Variants in KIAA1217 observed in about 807,000 individuals in gnomAD.
KIAA1217 encodes the protein KIAA1217, also known as sickle tail protein homolog.
KIAA1217 carries 88 observed loss-of-function variants against 163.9 expected under a neutral mutation model. The ratio of observed to expected loss-of-function variants is 0.54; its 90% CI spans 0.45 to 0.64. The LOEUF (loss-of-function observed/expected upper bound fraction) is 0.64, where lower values mean the gene tolerates loss of function less well. Ranked by LOEUF, KIAA1217 falls within the 30% of genes least tolerant of loss-of-function variation. The pLI is 0.00. For synonymous variants in KIAA1217, 903 were observed against 923.1 expected (o/e 0.98, Z 0.39); for missense variants, 2,372 against 2,475.0 (o/e 0.96, Z 0.88).
Position 24,092,928 on chromosome 10 carries a change from T to TGTGTTGTGTG in KIAA1217, c.-171+85554_-171+85555insGTGTTGTGTG, listed in dbSNP as rs548350322. Among the ~76,000 whole-genome samples the TGTGTTGTGTG allele has an allele frequency of 7.2e-3, 1,012 of 141,030 alleles. 5 individuals carry two copies. Among genetic ancestry groups the TGTGTTGTGTG allele is most frequent in the Middle Eastern group, 0.028 (8 of 286 alleles). 92.5% of individuals were successfully genotyped at this position (141,030 alleles called of 152,430 possible). ...TAGTGTGTGTGTGTGTGTGTGTGTG[T>TGTGTTGTGTG]TGTGTGTGTGTGTGTGTGTGTGTGT... On this transcript the variant is annotated intron_variant, in intron 2 of 18. Coordinates refer to the KIAA1217 transcript ENST00000376462.
chr10:24,300,663 G>A (rs573786241), intron 2 of KIAA1217, among the ~76,000 whole-genome samples: 5 of 152,258 alleles, frequency 3.3e-5, no homozygotes, highest in Admixed American at 6.5e-5. Flanking sequence ...CACCTCCTGG[G>A]TTCAAGCAAT....
chr10:24,492,131 G>A (rs1262967677), intron 6 of KIAA1217, among the ~76,000 whole-genome samples: 8 of 152,162 alleles, frequency 5.3e-5, no homozygotes, highest in African/African-American at 9.7e-5. Context: ...GCATTCTTCC[G>A]AGGAAGTCAT....
intron 1 of KIAA1217, among the ~76,000 whole-genome samples, chr10:23,854,237 G>T (rs1231794449): frequency 2.6e-5 from 4 of 152,086 alleles, no homozygotes; most frequent in Non-Finnish European, 5.9e-5. Context: ...TGGTTTCAAA[G>T]AACATCTATA....
intron 3 of KIAA1217, among the ~76,000 whole-genome samples, chr10:24,412,456 C>G (rs1036520639): frequency 1.3e-5 from 2 of 152,322 alleles, no homozygotes; most frequent in Middle Eastern, 3.4e-3. Flanking sequence ...TCCATTGATG[C>G]CTTCAATCCC....
chr10:24,031,802 A>G (rs1848197757), intron 2 of KIAA1217, among the ~76,000 whole-genome samples: 3 of 152,204 alleles, frequency 2.0e-5, no homozygotes, highest in Non-Finnish European at 4.4e-5. Context: ...AAACTTGATG[A>G]TCACATGATT....
At chr10:24,321,878 G>A (rs1421958815) in intron 2 of KIAA1217, among the ~76,000 whole-genome samples, 1 of 152,136 alleles carries the variant, frequency 6.6e-6, no homozygotes, top group Non-Finnish European at 1.5e-5. Flanking sequence ...AATACTTAGT[G>A]CCACTGAACC....
At chr10:23,787,816 A>T (rs967122851) in intron 1 of KIAA1217, among the ~76,000 whole-genome samples, 5 of 149,214 alleles carry the variant, frequency 3.4e-5, no homozygotes, top group African/African-American at 9.8e-5. Flanking sequence ...TTTGGAGCAT[A>T]TTTTTTTTTT....
At chr10:23,908,073 A>G (rs1339924653) in intron 1 of KIAA1217, among the ~76,000 whole-genome samples, 1 of 152,138 alleles carries the variant, frequency 6.6e-6, no homozygotes, top group East Asian at 1.9e-4. Context: ...GACCGTAAGA[A>G]GACCTGAGGA....
chr10:24,280,534 G>A (rs184562330), intron 2 of KIAA1217, among the ~76,000 whole-genome samples: 3 of 152,150 alleles, frequency 2.0e-5, no homozygotes, highest in South Asian at 2.1e-4. Context: ...AAACCTGGCC[G>A]GGCGTGGTGA....
At chr10:23,980,314 G>A (rs1237115139) in intron 1 of KIAA1217, among the ~76,000 whole-genome samples, 1 of 152,186 alleles carries the variant, frequency 6.6e-6, no homozygotes, top group African/African-American at 2.4e-5. Context: ...ACAAATGTCA[G>A]ATGTCATTAT....
chr10:24,397,934 T>C (rs2056037696), intron 3 of KIAA1217, among the ~76,000 whole-genome samples: 1 of 152,168 alleles, frequency 6.6e-6, no homozygotes, highest in Non-Finnish European at 1.5e-5. Flanking sequence ...TTCCTTTACT[T>C]ACCTTGTCTG....
chr10:23,871,655 T>C lies in KIAA1217; in HGVS notation c.-320-135570T>C, dbSNP rs535664291. Among the ~76,000 whole-genome samples the C allele has an allele frequency of 9.6e-4, 146 of 152,132 alleles. 1 individual carries two copies. The highest frequency in any genetic ancestry group is 5.2e-3 in the Admixed American group (79 of 15,266). ...CTTCTACCCCTGTCACCACCAAAAT[T>C]GATCAATTACAATCCACCATGACTT... On this transcript the variant is annotated intron_variant, in intron 1 of 18. Coordinates refer to the KIAA1217 transcript ENST00000376462.
At chr10:23,697,012 C>G (rs546146417) in intron 1 of KIAA1217, among the ~76,000 whole-genome samples, 5 of 152,172 alleles carry the variant, frequency 3.3e-5, no homozygotes, top group South Asian at 2.1e-4. Flanking sequence ...GGTTCATGAA[C>G]GTTCGAAAGT....
At chr10:24,449,618 A>G (rs1288676698) in intron 5 of KIAA1217, 19 of 985,316 alleles carry the variant, frequency 1.9e-5, no homozygotes, top group Non-Finnish European at 2.3e-5. Context: ...TTTGACTAAA[A>G]GCTTCCTTCT....
At chr10:23,976,219 A>G (rs1589169346) in intron 1 of KIAA1217, among the ~76,000 whole-genome samples, 1 of 152,194 alleles carries the variant, frequency 6.6e-6, no homozygotes, top group African/African-American at 2.4e-5. Flanking sequence ...GAGATAAAGC[A>G]ATTTATCCAG....
At chr10:24,266,804 C>T (rs1306059659) in intron 2 of KIAA1217, among the ~76,000 whole-genome samples, 4 of 152,178 alleles carry the variant, frequency 2.6e-5, no homozygotes, top group African/African-American at 9.7e-5. Flanking sequence ...ATGCTGGCCA[C>T]CCCAGCCAGT....
At chr10:24,456,026 A>G (rs1592089253) in intron 5 of KIAA1217, among the ~76,000 whole-genome samples, 2 of 151,872 alleles carry the variant, frequency 1.3e-5, no homozygotes, top group African/African-American at 4.8e-5. Context: ...GCTGGGACTA[A>G]AGGCGTATGC....
chr10:23,803,100 G>A (rs532135121), intron 1 of KIAA1217, among the ~76,000 whole-genome samples: 1 of 152,224 alleles, frequency 6.6e-6, no homozygotes, highest in South Asian at 2.1e-4. Context: ...GGTGATCAAG[G>A]ACACTTTTCC....
intron 9 of KIAA1217, among the ~76,000 whole-genome samples, chr10:24,509,104 A>G (rs2068753852): frequency 6.6e-6 from 1 of 152,226 alleles, no homozygotes; most frequent in Admixed American, 6.5e-5. Context: ...CCTCTTAAGC[A>G]AAAACCAACT....
Sources: gnomAD v4.1 joint callset for allele counts (sites outside exome capture counted in the v4.1 genomes callset) on GRCh38, gnomAD v4.1.1 for gene constraint, MANE v1.5 for transcripts, NCBI Gene and HGNC (gene_info 2026-07-23, HGNC 2026-07-21) for gene names.